The following SDK1 variants were observed in gnomAD, a reference collection of about 807,000 sequenced individuals.
The protein encoded by SDK1 is protein sidekick-1.
Under a neutral mutation model 245.5 loss-of-function variants are expected in SDK1, and 157 were observed. The observed-to-expected ratio is 0.64, with a 90% CI of 0.56 to 0.73. SDK1 has a LOEUF of 0.73. SDK1 is among the 30% of genes least tolerant of loss of function. SDK1 has a pLI of 0.00. For synonymous variants in SDK1, 1,647 were observed against 1,278.5 expected, an observed-to-expected ratio of 1.29 and a Z score of -6.15; for missense variants, 3,583 against 3,002.3, an observed-to-expected ratio of 1.19 and a Z score of -4.52.
chr7:3,621,734 A>G (rs186374222), intron 2 of SDK1, among the ~76,000 whole-genome samples: 5 of 151,840 alleles, frequency 3.3e-5, no homozygotes, highest in Non-Finnish European at 7.4e-5. Flanking sequence ...TTCCTGTGGA[A>G]CTCTCTCTGG....
In SDK1 at chr7:4,047,430, C is replaced by T. The variant is rs568710789; in HGVS notation, c.2603-1918C>T. On this transcript the variant is annotated intron_variant, in intron 17 of 44. Transcript: ENST00000404826. The stretch of plus-strand genomic sequence containing the variant: ...TTGAGGATTTTTTTGAATTTGTGTT[C>T]ATGATGGATATTGGTCTATAGTTTT... Among the ~76,000 whole-genome samples, 3 of 152,146 alleles carry T rather than the reference C, an allele frequency of 2.0e-5. No individual in the cohort carries two copies. The East Asian group carries it at 5.8e-4, about 29-fold the overall frequency.
chr7:3,375,925 C>G (rs531178390), intron 1 of SDK1, among the ~76,000 whole-genome samples: 10 of 152,284 alleles, frequency 6.6e-5, no homozygotes, highest in African/African-American at 2.2e-4. Flanking sequence ...TGGGGTAATT[C>G]ATATACAGCA....
At chr7:3,372,291 C>A (rs989340891) in intron 1 of SDK1, among the ~76,000 whole-genome samples, 1 of 152,078 alleles carries the variant, frequency 6.6e-6, no homozygotes, top group African/African-American at 2.4e-5. Context: ...AGAAAAGGCT[C>A]CCAAGCTAGT....
chr7:4,027,195 G>C (rs1410973457), intron 17 of SDK1, among the ~76,000 whole-genome samples: 1 of 152,208 alleles, frequency 6.6e-6, no homozygotes, highest in Non-Finnish European at 1.5e-5. Flanking sequence ...GAGCACCCAG[G>C]AGAACTGATA....
Position 3,994,069 on chromosome 7 carries a change from C to T in SDK1, c.2131+6747C>T, listed in dbSNP as rs116040868. On this transcript the variant is annotated intron_variant, in intron 14 of 44. Transcript: ENST00000404826. ...GAAGGCTCTATTTCCCCTCCTGCCC[C>T]TAAAATGTTGGCATTCCCTGCTTTG... Among the ~76,000 whole-genome samples the T allele has an allele frequency of 5.6e-3, 848 of 152,280 alleles. 9 individuals are homozygous for T. Among genetic ancestry groups the T allele is most frequent in the African/African-American group, 0.019 (785 of 41,548 alleles).
chr7:3,622,640 C>G (rs2568530), intron 2 of SDK1, among the ~76,000 whole-genome samples: 2,898 of 152,262 alleles, frequency 0.019, 37 homozygotes, highest in Non-Finnish European at 0.031. Context: ...CTTAAGAGCC[C>G]TTGCATATGT....
At chr7:4,143,950 GTC>G (rs1399639102) in intron 28 of SDK1, among the ~76,000 whole-genome samples, 2 of 152,208 alleles carry the variant, frequency 1.3e-5, no homozygotes, top group African/African-American at 4.8e-5. Flanking sequence ...AGCCGCTGTG[GTC>G]ACGCTCTCCT....
chr7:3,696,063 T>G (rs1784564325), intron 4 of SDK1, among the ~76,000 whole-genome samples: 1 of 152,178 alleles, frequency 6.6e-6, no homozygotes, highest in African/African-American at 2.4e-5. Context: ...TTTTCCCACT[T>G]GTCCCTTGTT....
intron 1 of SDK1, among the ~76,000 whole-genome samples, chr7:3,313,821 C>CA (rs1196659490): frequency 6.6e-6 from 1 of 152,126 alleles, no homozygotes; most frequent in Admixed American, 6.5e-5. Flanking sequence ...ATTCCTACCA[C>CA]AAAAAAGTAT....
chr7:4,142,870 T>G (rs1314293791), intron 28 of SDK1, among the ~76,000 whole-genome samples: 1 of 152,238 alleles, frequency 6.6e-6, no homozygotes, highest in Non-Finnish European at 1.5e-5. Context: ...AAAGGCAGCT[T>G]AAGCCTAGAA....
intron 1 of SDK1, among the ~76,000 whole-genome samples, chr7:3,584,987 G>A (rs1187781739): frequency 6.6e-6 from 1 of 152,128 alleles, no homozygotes; most frequent in African/African-American, 2.4e-5. Context: ...GCCTCCCAAA[G>A]TGCTGGGATT....
chr7:4,178,435 G>C (rs779226788), intron 34 of SDK1, 50 bp from the exon 35 acceptor site: 3 of 1,363,020 alleles, frequency 2.2e-6, no homozygotes, highest in East Asian at 4.6e-5. Flanking sequence ...TTTGGAGAAA[G>C]AGAAGGTGGT....
intron 4 of SDK1, among the ~76,000 whole-genome samples, chr7:3,672,553 T>G (rs1197080844): frequency 1.4e-5 from 2 of 142,830 alleles, no homozygotes; most frequent in African/African-American, 5.2e-5. Context: ...GATCCCAGAG[T>G]GAGATCGATA....
intron 3 of SDK1, among the ~76,000 whole-genome samples, chr7:3,639,958 C>G (rs187872649): frequency 1.1e-4 from 17 of 152,038 alleles, no homozygotes; most frequent in Non-Finnish European, 2.2e-4. Flanking sequence ...GTGATCCTCC[C>G]TCCTCAGCCT....
chr7:4,178,450 G>T lies in SDK1; in HGVS notation c.4997-35G>T, dbSNP rs199876629. ...TTTGGAGAAAGAGAAGGTGGTCCTG[G>T]TGGAAGCTGATCCATATTTCCTTCA... On this transcript the variant is annotated intron_variant, in intron 34 of 44. Transcript: ENST00000404826. 5.4e-5 allele frequency: 81 copies of T among 1,487,980 alleles called. No individual in the cohort carries two copies. The African/African-American group carries it at 1.1e-3, about 20-fold the overall frequency. 92.2% of individuals were successfully genotyped at this position (1,487,980 alleles called of 1,614,324 possible). A position where few individuals can be genotyped will look rare whatever the true frequency, so the allele number is the denominator to read the frequency against.
intron 8 of SDK1, among the ~76,000 whole-genome samples, chr7:3,960,261 G>A (rs1450820730): frequency 1.3e-5 from 2 of 152,198 alleles, no homozygotes; most frequent in African/African-American, 4.8e-5. Flanking sequence ...TGCCCAGTGT[G>A]TGGCCTGTGG....
At chr7:3,462,291 A>G (rs1162297205) in intron 1 of SDK1, among the ~76,000 whole-genome samples, 1 of 151,848 alleles carries the variant, frequency 6.6e-6, no homozygotes, top group East Asian at 1.9e-4. Flanking sequence ...TCCCTCCTAA[A>G]TGACCTCTGC....
chr7:3,392,235 T>C (rs187021337), intron 1 of SDK1, among the ~76,000 whole-genome samples: 9 of 152,220 alleles, frequency 5.9e-5, no homozygotes, highest in African/African-American at 1.9e-4. Context: ...CTCTAGCAAA[T>C]TCCACTTGTG....
chr7:3,949,916 T>C (rs1479711929), intron 5 of SDK1, among the ~76,000 whole-genome samples: 1 of 152,116 alleles, frequency 6.6e-6, no homozygotes, highest in Non-Finnish European at 1.5e-5. Context: ...GGGAAGCATA[T>C]TTGGACAGGA....
Sources: allele counts gnomAD v4.1 joint callset (sites outside exome capture counted in the v4.1 genomes callset), GRCh38; gene constraint gnomAD v4.1.1; transcripts MANE v1.5; gene names NCBI Gene and HGNC (gene_info 2026-07-23, HGNC 2026-07-21).